INPP4B: variants seen among roughly 807,000 people sequenced by gnomAD.
INPP4B encodes inositol polyphosphate-4-phosphatase type II B, also known as inositol polyphosphate 4-phosphatase type II.
Under a neutral mutation model 122.5 loss-of-function variants are expected in INPP4B, and 55 were observed. That is an observed-to-expected ratio of 0.45 (90% CI 0.36 to 0.56). The LOEUF (loss-of-function observed/expected upper bound fraction) is 0.56, where lower values mean the gene tolerates loss of function less well. Ranked by LOEUF, INPP4B falls within the 20% of genes least tolerant of loss-of-function variation. The pLI is 0.00. For missense variants in INPP4B, 1,000 were observed against 1,097.7 expected (o/e 0.91, Z 1.26); for synonymous variants, 403 against 388.7 (o/e 1.04, Z -0.43).
At chr4:142,738,231 T>TG (rs1166120132) in intron 1 of INPP4B, among the ~76,000 whole-genome samples, 1 of 152,158 alleles carries the variant, frequency 6.6e-6, no homozygotes. Context: ...AGTGATAGAC[T>TG]GGATTAAGAA....
At chr4:142,240,894 G>T (rs76050600) in intron 11 of INPP4B, among the ~76,000 whole-genome samples, 13,954 of 152,138 alleles carry the variant, frequency 0.092, 735 homozygotes, top group Middle Eastern at 0.14. Context: ...ATTCTTGATG[G>T]TCTGATGGTG....
chr4:142,824,824 T>C (rs748786138), intron 1 of INPP4B, among the ~76,000 whole-genome samples: 1 of 152,054 alleles, frequency 6.6e-6, no homozygotes, highest in Non-Finnish European at 1.5e-5. Flanking sequence ...GTCTAGAACT[T>C]AAAAAACGTA....
chr4:142,306,553 G>A (rs995603359), intron 8 of INPP4B, among the ~76,000 whole-genome samples: 28 of 152,102 alleles, frequency 1.8e-4, no homozygotes, highest in African/African-American at 6.5e-4. Context: ...CATCTTTTTC[G>A]AGGTAAATAG....
At chr4:142,585,347 T>A (rs1261200373) in intron 2 of INPP4B, among the ~76,000 whole-genome samples, 1 of 152,140 alleles carries the variant, frequency 6.6e-6, no homozygotes, top group African/African-American at 2.4e-5. Flanking sequence ...TCTTTCTTCT[T>A]TATGGAGTGC....
chr4:142,523,285 T>G (rs1826346435), intron 2 of INPP4B, among the ~76,000 whole-genome samples: 1 of 152,058 alleles, frequency 6.6e-6, no homozygotes, highest in Non-Finnish European at 1.5e-5. Context: ...ATAATTCGAA[T>G]GCATACTCAG....
chr4:142,839,464 C>T (rs776152666), intron 1 of INPP4B, among the ~76,000 whole-genome samples: 11 of 152,060 alleles, frequency 7.2e-5, no homozygotes, highest in Admixed American at 2.6e-4. Context: ...TGACATAGGA[C>T]ATAAACTGAA....
chr4:142,495,985 CT>C lies in INPP4B; in HGVS notation c.-190-33260del, dbSNP rs529679842. On this transcript the variant is annotated intron_variant, in intron 2 of 25. Coordinates refer to ENST00000262992, the MANE Select transcript of INPP4B (RefSeq NM_001101669.3). ...TCAGCAACTTCTGAAATGTTTTCGC[CT>C]GTCTGAACTTTTAGTGCATCTAGTA... Among the ~76,000 whole-genome samples the C allele has an allele frequency of 1.4e-3, 220 of 152,186 alleles. 1 individual carries two copies. Among genetic ancestry groups the C allele is most frequent in the African/African-American group, 5.0e-3 (209 of 41,554 alleles).
intron 25 of INPP4B, among the ~76,000 whole-genome samples, chr4:142,047,023 C>T (rs563285241): frequency 1.3e-5 from 2 of 152,022 alleles, no homozygotes; most frequent in African/African-American, 2.4e-5. Context: ...CTCTCTCTCT[C>T]TCTTTTTATA....
chr4:142,627,208 T>C (rs2150402319), intron 2 of INPP4B, among the ~76,000 whole-genome samples: 1 of 152,192 alleles, frequency 6.6e-6, no homozygotes, highest in East Asian at 1.9e-4. Flanking sequence ...ACAGGGACAA[T>C]TTGACTTCCT....
rs1310646331 is a variant in INPP4B, at chr4:142,025,484, T to G, written c.*3298A>C. 1 of 152,154 alleles carries G rather than the reference T, an allele frequency of 6.6e-6. No individual in the cohort carries two copies. The highest frequency in any genetic ancestry group is 1.5e-5 in the Non-Finnish European group (1 of 68,022). The allele number at this position is 152,154 out of a possible 1,614,324, so 9.4% of individuals were successfully genotyped here. On this transcript the variant is annotated 3_prime_UTR_variant, in exon 26 of 26. Coordinates refer to ENST00000262992, the MANE Select transcript of INPP4B (RefSeq NM_001101669.3). ...CTTACAAAATTTCTGGTACTTTAAT[T>G]ATCAACTTTTATGCATCAGAACGAG...
intron 14 of INPP4B, among the ~76,000 whole-genome samples, chr4:142,197,095 C>T (rs1838576637): frequency 8.6e-6 from 1 of 115,966 alleles, no homozygotes; most frequent in Non-Finnish European, 1.7e-5. Flanking sequence ...CATTGCACTC[C>T]AGCCTGGGCA....
At chr4:142,603,660 C>A (rs773114649) in intron 2 of INPP4B, among the ~76,000 whole-genome samples, 3 of 151,810 alleles carry the variant, frequency 2.0e-5, no homozygotes, top group Non-Finnish European at 2.9e-5. Context: ...AAAATAAAAT[C>A]AGAAAGAAAC....
At chr4:142,782,374 G>A (rs376891669) in intron 1 of INPP4B, among the ~76,000 whole-genome samples, 2 of 150,792 alleles carry the variant, frequency 1.3e-5, no homozygotes, top group South Asian at 2.1e-4. Context: ...TCTTAATCCA[G>A]TCTATCATTG....
intron 12 of INPP4B, among the ~76,000 whole-genome samples, chr4:142,209,786 C>T (rs1396142148): frequency 8.9e-6 from 1 of 112,750 alleles, no homozygotes; most frequent in African/African-American, 3.6e-5. Flanking sequence ...GAGTAAGACC[C>T]CGTCTCAAAA....
chr4:142,468,953 T>C (rs775165589), intron 2 of INPP4B, among the ~76,000 whole-genome samples: 2 of 152,164 alleles, frequency 1.3e-5, no homozygotes, highest in Non-Finnish European at 2.9e-5. Context: ...ATTATTCACA[T>C]ATAGCTACTA....
chr4:142,560,902 A>G (rs973489805), intron 2 of INPP4B, among the ~76,000 whole-genome samples: 6 of 152,170 alleles, frequency 3.9e-5, no homozygotes, highest in African/African-American at 1.2e-4. Flanking sequence ...TTGACACTCA[A>G]TATTAACCAT....
intron 2 of INPP4B, among the ~76,000 whole-genome samples, chr4:142,465,987 ATC>A (rs1356075427): frequency 1.3e-5 from 2 of 152,270 alleles, no homozygotes; most frequent in African/African-American, 4.8e-5. Context: ...AACCAAATAA[ATC>A]TCTTTTATTT....
At chr4:142,268,348 G>GAAAAAAAAA (rs1383781390) in intron 10 of INPP4B, among the ~76,000 whole-genome samples, 1 of 26,770 alleles carries the variant, frequency 3.7e-5, no homozygotes, top group African/African-American at 8.4e-5. Flanking sequence ...AAAAAAAAAT[G>GAAAAAAAAA]AGGGGTAAGT....
At chr4:142,826,596 A>G (rs1012122625) in intron 1 of INPP4B, among the ~76,000 whole-genome samples, 3 of 152,108 alleles carry the variant, frequency 2.0e-5, no homozygotes, top group African/African-American at 7.2e-5. Context: ...AAATTTTACA[A>G]TATCTGCCCT....
Sources: allele counts gnomAD v4.1 joint callset (sites outside exome capture counted in the v4.1 genomes callset), GRCh38; gene constraint gnomAD v4.1.1; transcripts MANE v1.5; gene names NCBI Gene and HGNC (gene_info 2026-07-23, HGNC 2026-07-21).